Variants in OR4F3 observed in about 807,000 individuals in gnomAD.
OR4F3 encodes the protein olfactory receptor family 4 subfamily F member 3.
At chr5:181,358,317 C>T in the OR4F3 span, among the ~76,000 whole-genome samples, 14 of 131,076 alleles carry the variant, frequency 1.1e-4, 1 homozygote, top group Non-Finnish European at 8.0e-5. Flanking sequence ...TATTATTAGT[C>T]TTTGAATATT....
chr5:181,354,446 T>C, the OR4F3 span, among the ~76,000 whole-genome samples: 2 of 131,294 alleles, frequency 1.5e-5, 1 homozygote, highest in Non-Finnish European at 3.2e-5. Flanking sequence ...TGTATGGAAA[T>C]GCCTGGATCT....
upstream of OR4F3, among the ~76,000 whole-genome samples, chr5:181,363,914 C>T (rs1761092850): frequency 2.5e-5 from 2 of 79,814 alleles, 1 homozygote; most frequent in African/African-American, 1.9e-4. Context: ...CCGTAGCATC[C>T]CCAAATGAGT....
At chr5:181,364,136 T>C (rs372125407), upstream of OR4F3, among the ~76,000 whole-genome samples, 133 of 24,672 alleles carry the variant, frequency 5.4e-3, 14 homozygotes, top group East Asian at 0.12. Flanking sequence ...ATCTTCTAAT[T>C]TCCCCTTTCT....
chr5:181,362,543 G>GT (rs1761079632), upstream of OR4F3, among the ~76,000 whole-genome samples: 1 of 124,306 alleles, frequency 8.0e-6, no homozygotes, highest in East Asian at 2.1e-4. Context: ...TTTGGGGGGG[G>GT]TGCTGGGAAA....
At chr5:181,357,280 C>A in the OR4F3 span, among the ~76,000 whole-genome samples, 2 of 134,046 alleles carry the variant, frequency 1.5e-5, no homozygotes, top group Admixed American at 7.0e-5. Flanking sequence ...GAATATATTT[C>A]TACTATCTTT....
the OR4F3 span, among the ~76,000 whole-genome samples, chr5:181,361,059 AC>A: frequency 0.016 from 1,841 of 112,988 alleles, 20 homozygotes; most frequent in Middle Eastern, 0.047. Flanking sequence ...TATTTTCTCC[AC>A]CCTGACATAT....
upstream of OR4F3, among the ~76,000 whole-genome samples, chr5:181,362,544 T>C (rs143278607): frequency 1.7e-5 from 2 of 120,930 alleles, no homozygotes; most frequent in Non-Finnish European, 3.3e-5. Flanking sequence ...TTGGGGGGGG[T>C]GCTGGGAAAT....
chr5:181,356,720 C>T, the OR4F3 span, among the ~76,000 whole-genome samples: 546 of 137,922 alleles, frequency 4.0e-3, 8 homozygotes, highest in African/African-American at 0.015. Flanking sequence ...CACATCAAAT[C>T]CCTCTCTTAT....
upstream of OR4F3, among the ~76,000 whole-genome samples, chr5:181,363,561 A>G (rs1221394305): frequency 4.1e-5 from 4 of 97,412 alleles, 1 homozygote; most frequent in African/African-American, 3.1e-4. Context: ...TCCACCCTGC[A>G]GACCCACAAC....
At chr5:181,358,419 A>T in the OR4F3 span, among the ~76,000 whole-genome samples, 7 of 129,436 alleles carry the variant, frequency 5.4e-5, no homozygotes, top group East Asian at 1.4e-3. Context: ...TCTCCAAAAC[A>T]CTCTCATCTG....
At chr5:181,362,413 T>C (rs1340185428), upstream of OR4F3, among the ~76,000 whole-genome samples, 3 of 120,942 alleles carry the variant, frequency 2.5e-5, 1 homozygote, top group East Asian at 6.4e-4. Context: ...TTGAAACTTA[T>C]GGCTTTAGAT....
At chr5:181,354,558 C>G in the OR4F3 span, among the ~76,000 whole-genome samples, 1 of 127,680 alleles carries the variant, frequency 7.8e-6, no homozygotes, top group Admixed American at 7.4e-5. Context: ...AGAGTCCCCA[C>G]TAGGGTACTG....
At chr5:181,361,273 CCTCTGTGTAGCCCCCCAAGTCTG>C in the OR4F3 span, among the ~76,000 whole-genome samples, 1 of 74,686 alleles carries the variant, frequency 1.3e-5, no homozygotes, top group African/African-American at 8.9e-5. Flanking sequence ...AGTCCCAGTT[CCTCTGTGTAGCCCCCCAAGTCTG>C]CTCTATTTCA....
At chr5:181,360,970 T>C in the OR4F3 span, among the ~76,000 whole-genome samples, 14 of 117,416 alleles carry the variant, frequency 1.2e-4, no homozygotes, top group African/African-American at 4.4e-4. Context: ...TTTGTACTTT[T>C]CCCCCATATA....
chr5:181,363,900 A>C (rs199801075), upstream of OR4F3, among the ~76,000 whole-genome samples: 6,591 of 71,144 alleles, frequency 0.093, 993 homozygotes, highest in African/African-American at 0.16. Flanking sequence ...CCCAATGTCA[A>C]AGTCCGTAGC....
At chr5:181,348,561 G>A in the OR4F3 span, among the ~76,000 whole-genome samples, 2 of 27,612 alleles carry the variant, frequency 7.2e-5, 1 homozygote, top group African/African-American at 1.1e-4. Context: ...CACAGATTGT[G>A]TGAGTTCAGG....
the OR4F3 span, among the ~76,000 whole-genome samples, chr5:181,348,625 C>G: frequency 7.0e-5 from 2 of 28,388 alleles, 1 homozygote; most frequent in Non-Finnish European, 2.9e-4. Context: ...GGAACATTTT[C>G]TCTCTCCACT....
chr5:181,355,885 AG>A, the OR4F3 span, among the ~76,000 whole-genome samples: 1 of 99,268 alleles, frequency 1.0e-5, no homozygotes, highest in African/African-American at 4.6e-5. Flanking sequence ...TGAGGGAGAA[AG>A]AAAAGATCTG....
the OR4F3 span, among the ~76,000 whole-genome samples, chr5:181,354,430 A>G: frequency 2.3e-5 from 3 of 131,294 alleles, no homozygotes; most frequent in Non-Finnish European, 4.8e-5. Context: ...CCTAGATTTC[A>G]GAGAATGTAT....
Sources: allele counts gnomAD v4.1 joint callset (sites outside exome capture counted in the v4.1 genomes callset), GRCh38; gene constraint gnomAD v4.1.1; transcripts MANE v1.5; gene names NCBI Gene and HGNC (gene_info 2026-07-23, HGNC 2026-07-21).